PRKCH: variants seen among roughly 807,000 people sequenced by gnomAD.
PRKCH encodes protein kinase C eta type.
PRKCH carries 28 observed loss-of-function variants against 82.5 expected under a neutral mutation model. The ratio of observed to expected loss-of-function variants is 0.34; its 90% CI spans 0.25 to 0.47. The LOEUF (loss-of-function observed/expected upper bound fraction) is 0.47. Among genes scored for constraint, PRKCH ranks in the 20% least tolerant of loss-of-function variants. PRKCH has a pLI of 1.00. For missense variants in PRKCH, 705 were observed against 881.8 expected (o/e 0.80, Z 2.54); for synonymous variants, 322 against 327.4 (o/e 0.98, Z 0.18).
At chr14:61,209,669 T>C (rs1348712178) in intron 1 of PRKCH, among the ~76,000 whole-genome samples, 1 of 152,156 alleles carries the variant, frequency 6.6e-6, no homozygotes, top group African/African-American at 2.4e-5. Context: ...GTGCAAACTT[T>C]TCATTTTTTC....
chr14:61,241,854 G>A (rs898438003), intron 1 of PRKCH, among the ~76,000 whole-genome samples: 7 of 152,272 alleles, frequency 4.6e-5, no homozygotes, highest in East Asian at 1.9e-4. Flanking sequence ...TGATAGAAGC[G>A]CGTTTTATGA....
At chr14:61,335,916 A>G (rs58563188) in intron 1 of PRKCH, among the ~76,000 whole-genome samples, 15,034 of 152,258 alleles carry the variant, frequency 0.099, 796 homozygotes, top group African/African-American at 0.13. Context: ...TCATAGTGTG[A>G]TGGTTGGGTG....
chr14:61,189,609 C>G (rs997594690), intron 1 of PRKCH, among the ~76,000 whole-genome samples: 1 of 151,884 alleles, frequency 6.6e-6, no homozygotes, highest in Non-Finnish European at 1.5e-5. Context: ...TCCTTCCCTT[C>G]CCTTCCTTTC....
intron 2 of PRKCH, among the ~76,000 whole-genome samples, chr14:61,437,027 C>A (rs1381043432): frequency 1.3e-5 from 2 of 152,224 alleles, no homozygotes; most frequent in Non-Finnish European, 2.9e-5. Flanking sequence ...TCGCTCAGTG[C>A]CCGTGTCACT....
At chr14:61,283,741 C>A (rs1452152993) in intron 1 of PRKCH, among the ~76,000 whole-genome samples, 3 of 152,002 alleles carry the variant, frequency 2.0e-5, no homozygotes, top group Admixed American at 6.6e-5. Context: ...CCCAGCTACT[C>A]AAGAGGCTGA....
rs1434859741 is a variant in PRKCH, at chr14:61,547,649, G to T, written c.1762-94G>T. On this transcript the variant is annotated intron_variant, in intron 12 of 13. Coordinates refer to ENST00000332981, the MANE Select transcript of PRKCH (RefSeq NM_006255.5). Reference sequence around the variant, plus strand: ...TAAGCAAGACCTGCCAGAAAGTCTCGCACAGCTCCTCTGCCATGGCTGATG... The same window carrying T: ...TAAGCAAGACCTGCCAGAAAGTCTCTCACAGCTCCTCTGCCATGGCTGATG... 3 of 1,472,740 alleles carry T rather than the reference G, an allele frequency of 2.0e-6. No homozygotes were observed. The Admixed American group carries it at 6.0e-5, about 30-fold the overall frequency. The allele number at this position is 1,472,740 out of a possible 1,614,324, so 91.2% of individuals were successfully genotyped here.
rs112740584 is a variant in PRKCH at position 61,428,112 on chromosome 14, C to CATATATATATATATATAT, written c.428-14996_428-14979dup. 5.1e-3 allele frequency among the ~76,000 whole-genome samples: 739 copies of CATATATATATATATATAT among 145,454 alleles called. 4 individuals carry two copies. Among genetic ancestry groups the CATATATATATATATATAT allele is most frequent in the African/African-American group, 0.019 (707 of 37,430 alleles). ...ACACACACACATATATATATACACA[C>CATATATATATATATATAT]ATATATATATATATATATATGTATC... On this transcript the variant is annotated intron_variant, in intron 2 of 13. Transcript: ENST00000332981.
chr14:61,262,686 A>C, intron 1 of PRKCH, among the ~76,000 whole-genome samples: 1 of 152,222 alleles, frequency 6.6e-6, no homozygotes, highest in East Asian at 1.9e-4. Flanking sequence ...CATTGTATGT[A>C]AATCATGTCT....
intron 1 of PRKCH, among the ~76,000 whole-genome samples, chr14:61,202,113 G>A (rs2044486179): frequency 6.6e-6 from 1 of 152,182 alleles, no homozygotes; most frequent in African/African-American, 2.4e-5. Context: ...GGGATGAGGG[G>A]CTTCTTCCAA....
At chr14:61,245,187 T>A (rs1279585861) in intron 1 of PRKCH, among the ~76,000 whole-genome samples, 1 of 152,122 alleles carries the variant, frequency 6.6e-6, no homozygotes, top group Non-Finnish European at 1.5e-5. Flanking sequence ...ATTTGGAATT[T>A]TAAAAAAATA....
At chr14:61,415,898 G>C (rs144482135) in intron 2 of PRKCH, among the ~76,000 whole-genome samples, 90 of 152,086 alleles carry the variant, frequency 5.9e-4, no homozygotes, top group African/African-American at 2.1e-3. Context: ...CTATAGATTT[G>C]ACTACTCTAA....
Position 61,487,919 on chromosome 14 carries a change from C to T in PRKCH, c.1433+2263C>T, listed in dbSNP as rs375956239. The stretch of plus-strand genomic sequence containing the variant: ...CTGTAATCCCAGCACTCTGGGAGGC[C>T]GAGGCGGGCGGATCACGAGGTCAGG... On this transcript the variant is annotated intron_variant, in intron 10 of 13. Transcript: ENST00000332981. 2.3e-4 allele frequency among the ~76,000 whole-genome samples: 35 copies of T among 151,890 alleles called. No individual in the cohort carries two copies. The East Asian group carries it at 3.5e-3, about 15-fold the overall frequency.
chr14:61,378,309 C>T (rs2046452258), intron 1 of PRKCH, among the ~76,000 whole-genome samples: 1 of 151,334 alleles, frequency 6.6e-6, no homozygotes, highest in African/African-American at 2.4e-5. Context: ...AACTCCAGGG[C>T]TCAGGTGATC....
At chr14:61,523,505 C>A (rs1157039398) in intron 10 of PRKCH, among the ~76,000 whole-genome samples, 2 of 152,152 alleles carry the variant, frequency 1.3e-5, no homozygotes, top group Admixed American at 1.3e-4. Context: ...AAATCTGAAT[C>A]CTGATTTTAC....
At chr14:61,422,728 G>A (rs1882909784) in intron 2 of PRKCH, among the ~76,000 whole-genome samples, 1 of 152,190 alleles carries the variant, frequency 6.6e-6, no homozygotes, top group East Asian at 1.9e-4. Context: ...GGATTTAAAA[G>A]TGTAGATTCT....
At chr14:61,431,358 A>G (rs1055816774) in intron 2 of PRKCH, among the ~76,000 whole-genome samples, 3 of 152,222 alleles carry the variant, frequency 2.0e-5, no homozygotes, top group Non-Finnish European at 4.4e-5. Flanking sequence ...CAAGCGTCGG[A>G]CAGGGTCCTC....
intron 1 of PRKCH, among the ~76,000 whole-genome samples, chr14:61,208,991 G>A (rs7494050): frequency 0.3 from 45,025 of 152,100 alleles, 7,888 homozygotes; most frequent in Non-Finnish European, 0.38. Context: ...GTGTTGAGAG[G>A]TGGGATCGTT....
At chr14:61,204,193 C>T (rs530627092) in intron 1 of PRKCH, among the ~76,000 whole-genome samples, 1 of 152,266 alleles carries the variant, frequency 6.6e-6, no homozygotes, top group South Asian at 2.1e-4. Context: ...AAAAACCTCA[C>T]CACATAATAA....
chr14:61,548,858 T>C (rs972697564), intron 13 of PRKCH, among the ~76,000 whole-genome samples: 2 of 62,830 alleles, frequency 3.2e-5, no homozygotes, highest in South Asian at 1.0e-3. Context: ...TTAGACTTTG[T>C]CTCAAAAAAA....
Sources: gnomAD v4.1 joint callset for allele counts (sites outside exome capture counted in the v4.1 genomes callset) on GRCh38, gnomAD v4.1.1 for gene constraint, MANE v1.5 for transcripts, NCBI Gene and HGNC (gene_info 2026-07-23, HGNC 2026-07-21) for gene names.